The following GSTCD variants were observed in gnomAD, a reference collection of about 807,000 sequenced individuals.
GSTCD encodes glutathione S-transferase C-terminal domain-containing protein.
GSTCD carries 44 observed loss-of-function variants against 68.3 expected under a neutral mutation model. The observed-to-expected ratio is 0.64, with a 90% CI of 0.51 to 0.83. The LOEUF (loss-of-function observed/expected upper bound fraction) is 0.83, where lower values mean the gene tolerates loss of function less well. Among genes scored for constraint, GSTCD ranks in the 40% least tolerant of loss-of-function variants. The pLI is 0.00. For missense variants in GSTCD, 739 were observed against 735.9 expected (o/e 1.00, Z -0.05); for synonymous variants, 273 against 255.2 (o/e 1.07, Z -0.67).
At chr4:105,834,155 C>G (rs1724017127) in intron 8 of GSTCD, among the ~76,000 whole-genome samples, 1 of 152,112 alleles carries the variant, frequency 6.6e-6, no homozygotes, top group Non-Finnish European at 1.5e-5. Flanking sequence ...TATAGGCAAC[C>G]AGAGTAATAG....
intron 5 of GSTCD, among the ~76,000 whole-genome samples, chr4:105,765,830 C>T (rs1307892254): frequency 6.6e-6 from 1 of 152,144 alleles, no homozygotes; most frequent in Non-Finnish European, 1.5e-5. Flanking sequence ...CTGCTTCACT[C>T]TGCACTTGTC....
At chr4:105,723,423 A>T (rs1436411845) in intron 3 of GSTCD, among the ~76,000 whole-genome samples, 1 of 151,912 alleles carries the variant, frequency 6.6e-6, no homozygotes, top group Non-Finnish European at 1.5e-5. Context: ...ACATGTACTG[A>T]CTTTTTTCTT....
chr4:105,834,418 G>A, intron 8 of GSTCD, 43 bp from the exon 9 acceptor site: 1 of 1,600,028 alleles, frequency 6.2e-7, no homozygotes, highest in South Asian at 1.1e-5. Flanking sequence ...TGCACTGTGA[G>A]TTAAGAGGGA....
chr4:105,772,042 A>G (rs1734871006), intron 5 of GSTCD, among the ~76,000 whole-genome samples: 1 of 152,078 alleles, frequency 6.6e-6, no homozygotes, highest in South Asian at 2.1e-4. Context: ...CCTCTCTGAT[A>G]TCCTTGAGCA....
chr4:105,819,478 G>T (rs149427775), intron 5 of GSTCD, among the ~76,000 whole-genome samples: 39 of 151,832 alleles, frequency 2.6e-4, no homozygotes, highest in African/African-American at 8.7e-4. Context: ...TTTCTGTTGA[G>T]ATGCGTCCTC....
intron 5 of GSTCD, among the ~76,000 whole-genome samples, chr4:105,792,881 T>G (rs1735729727): frequency 6.6e-6 from 1 of 152,114 alleles, no homozygotes; most frequent in Non-Finnish European, 1.5e-5. Context: ...GTCTAGCAAT[T>G]GCTTTTATGT....
chr4:105,726,657 G>A lies in GSTCD; in HGVS notation c.973G>A (p.Val325Met). Residue 325 changes from valine (V) to methionine (M), a missense_variant, in exon 4 of 12, where the codon GTG becomes ATG. Transcript: ENST00000515279. ...CTCTTGGTACCAGAGGATTCAGGAA[G>A]TGCCAGGAGTAAAAACAGCAGCTTC... is the stretch of plus-strand genomic sequence containing the variant. ...LASWYQRIQEVPGVKTAASKC... is the reference protein window; with the variant it reads ...LASWYQRIQEMPGVKTAASKC... 1 of 1,613,860 alleles carries A rather than the reference G, an allele frequency of 6.2e-7. No individual in the cohort carries two copies. Among genetic ancestry groups the A allele is most frequent in the Non-Finnish European group, 8.5e-7 (1 of 1,179,848 alleles).
At chr4:105,778,351 C>T (rs180805197) in intron 5 of GSTCD, among the ~76,000 whole-genome samples, 3 of 152,172 alleles carry the variant, frequency 2.0e-5, no homozygotes, top group South Asian at 4.1e-4. Flanking sequence ...CACATGCACA[C>T]GTCATCTTTC....
intron 1 of GSTCD, among the ~76,000 whole-genome samples, chr4:105,717,177 C>T (rs1222035074): frequency 6.6e-6 from 1 of 152,028 alleles, no homozygotes; most frequent in African/African-American, 2.4e-5. Context: ...TTTGTAGGGT[C>T]GTAAAAAAGA....
At chr4:105,730,220 T>C (rs1486324660) in intron 5 of GSTCD, among the ~76,000 whole-genome samples, 2 of 152,202 alleles carry the variant, frequency 1.3e-5, no homozygotes, top group Non-Finnish European at 2.9e-5. Flanking sequence ...CTTGTGTCTT[T>C]ATAGCAGCAT....
chr4:105,720,404 T>G (rs543421019), intron 3 of GSTCD, among the ~76,000 whole-genome samples: 4 of 152,240 alleles, frequency 2.6e-5, no homozygotes, highest in Non-Finnish European at 5.9e-5. Flanking sequence ...GATTTCATTC[T>G]CATTATATAT....
intron 5 of GSTCD, among the ~76,000 whole-genome samples, chr4:105,796,543 G>T (rs1349531868): frequency 6.6e-6 from 1 of 152,052 alleles, no homozygotes; most frequent in East Asian, 1.9e-4. Flanking sequence ...ACATTTGCCA[G>T]GTCTGGTTTT....
chr4:105,713,494 G>A (rs1186531816), intron 1 of GSTCD, among the ~76,000 whole-genome samples: 1 of 152,118 alleles, frequency 6.6e-6, no homozygotes, highest in Non-Finnish European at 1.5e-5. Flanking sequence ...AAATAGTACT[G>A]TTATATTAGA....
chr4:105,734,467 A>G (rs1212868456), intron 5 of GSTCD, among the ~76,000 whole-genome samples: 2 of 152,000 alleles, frequency 1.3e-5, no homozygotes, highest in South Asian at 2.1e-4. Context: ...CCTTTCTTCC[A>G]TTTTATCGAA....
chr4:105,723,900 T>G (rs1191567746), intron 3 of GSTCD, among the ~76,000 whole-genome samples: 2 of 151,808 alleles, frequency 1.3e-5, no homozygotes, highest in Non-Finnish European at 3.0e-5. Flanking sequence ...CTTTATCATT[T>G]GTTCATTCAC....
chr4:105,762,029 C>T (rs1287061597), intron 5 of GSTCD: 8 of 152,246 alleles, frequency 5.3e-5, no homozygotes, highest in Admixed American at 4.6e-4. Context: ...CACAGCAACA[C>T]ATTCTTTGGC....
chr4:105,801,433 G>A (rs750941273), intron 5 of GSTCD, among the ~76,000 whole-genome samples: 8 of 152,108 alleles, frequency 5.3e-5, no homozygotes, highest in Non-Finnish European at 1.0e-4. Context: ...GACGGAATGA[G>A]TGCAAACGTT....
At chr4:105,744,861 A>G (rs1235541386) in intron 5 of GSTCD, among the ~76,000 whole-genome samples, 2 of 139,144 alleles carry the variant, frequency 1.4e-5, no homozygotes, top group South Asian at 5.6e-4. Context: ...AGGTCATCTC[A>G]GTAGGGACCT....
At chr4:105,816,308 T>C (rs1307458843) in intron 5 of GSTCD, among the ~76,000 whole-genome samples, 1 of 152,132 alleles carries the variant, frequency 6.6e-6, no homozygotes, top group Non-Finnish European at 1.5e-5. Flanking sequence ...TCTTTCCTTC[T>C]GGATAATCCG....
Sources: allele counts gnomAD v4.1 joint callset (sites outside exome capture counted in the v4.1 genomes callset), GRCh38; gene constraint gnomAD v4.1.1; transcripts MANE v1.5; gene names NCBI Gene and HGNC (gene_info 2026-07-23, HGNC 2026-07-21).